Variants in EFCAB8 observed in about 807,000 individuals in gnomAD.
The protein encoded by EFCAB8 is EF-hand calcium-binding domain-containing protein 8.
EFCAB8 carries 100 observed loss-of-function variants against 116.3 expected under a neutral mutation model. The observed-to-expected ratio is 0.86, with a 90% CI of 0.73 to 1.02. The LOEUF is 1.02. EFCAB8 is among the 50% of genes least tolerant of loss of function. EFCAB8 has a pLI of 0.00. For missense variants in EFCAB8, 1,320 were observed against 1,416.9 expected, an observed-to-expected ratio of 0.93 and a Z score of 1.10; for synonymous variants, 558 against 567.9, an observed-to-expected ratio of 0.98 and a Z score of 0.25.
intron 20 of EFCAB8, among the ~76,000 whole-genome samples, chr20:32,921,604 A>C (rs1987459922): frequency 6.6e-6 from 1 of 152,130 alleles, no homozygotes; most frequent in South Asian, 2.1e-4. Context: ...TGTAAATGAA[A>C]AAATAAAAAT....
At chr20:32,956,971 T>C (rs2146305312) in intron 23 of EFCAB8, among the ~76,000 whole-genome samples, 1 of 150,454 alleles carries the variant, frequency 6.6e-6, no homozygotes, top group African/African-American at 2.4e-5. Flanking sequence ...TTTTTTTCAA[T>C]CTCTGAATTC....
intron 20 of EFCAB8, among the ~76,000 whole-genome samples, chr20:32,929,302 G>A (rs1987792453): frequency 6.6e-6 from 1 of 152,126 alleles, no homozygotes; most frequent in Admixed American, 6.5e-5. Flanking sequence ...CACTGGTGAA[G>A]CCATCAAGCT....
chr20:32,921,831 C>CTTTTTTT (rs11483441), intron 20 of EFCAB8, among the ~76,000 whole-genome samples: 5 of 130,222 alleles, frequency 3.8e-5, no homozygotes, highest in African/African-American at 1.4e-4. Context: ...TTACCTTATT[C>CTTTTTTT]TTTTTTTTTT....
intron 9 of EFCAB8, among the ~76,000 whole-genome samples, chr20:32,895,313 A>ATTT (rs11353110): frequency 4.9e-4 from 62 of 127,718 alleles, no homozygotes; most frequent in Admixed American, 1.0e-3. Flanking sequence ...TTTATTTAAG[A>ATTT]TTTTTTTTTT....
At position 32,954,126 on chromosome 20, in the gene EFCAB8, CAG is replaced by C. The variant is rs571565525; in HGVS notation, c.2960-4292_2960-4291del. 1.3e-4 allele frequency among the ~76,000 whole-genome samples: 20 copies of C among 152,246 alleles called. No homozygotes were observed. The East Asian group carries it at 3.7e-3, about 28-fold the overall frequency. On this transcript the variant is annotated intron_variant, in intron 23 of 26. Coordinates refer to ENST00000400522, the MANE Select transcript of EFCAB8 (RefSeq NM_001143967.2). ...CAGCATGATTACGTTTTTTGATACACAGAGGTTTTCAAGTTTAATGTCTATTT... is the reference window on the plus strand; with the variant it reads ...CAGCATGATTACGTTTTTTGATACACAGGTTTTCAAGTTTAATGTCTATTT...
intron 3 of EFCAB8, among the ~76,000 whole-genome samples, chr20:32,874,192 A>G (rs1984834574): frequency 6.6e-6 from 1 of 152,048 alleles, no homozygotes; most frequent in Admixed American, 6.6e-5. Context: ...AAGTACTGGG[A>G]TTATAGGTGT....
In EFCAB8 at chr20:32,961,613, G is replaced by C. The variant is rs191674847; in HGVS notation, c.*4G>C. On this transcript the variant is annotated 3_prime_UTR_variant, in exon 27 of 27. Transcript: ENST00000400522. ...GAGCTCCCATGTCAGGTTCTGAGGT[G>C]CTCCGCTGTCTTCTCTAGTCCTCCA... The C allele has an allele frequency of 6.2e-4, 809 of 1,313,638 alleles. No homozygotes were observed. Among genetic ancestry groups the C allele is most frequent in the Non-Finnish European group, 5.5e-4 (565 of 1,030,470 alleles). 81.4% of individuals were successfully genotyped at this position (1,313,638 alleles called of 1,614,324 possible). A position where few individuals can be genotyped will look rare whatever the true frequency, so the allele number is the denominator to read the frequency against.
intron 20 of EFCAB8, among the ~76,000 whole-genome samples, chr20:32,921,909 C>A (rs1600429696): frequency 6.7e-6 from 1 of 149,658 alleles, no homozygotes. Flanking sequence ...CAGCTCACTG[C>A]ACCTCTGCGT....
chr20:32,910,214 G>C (rs114908276), intron 15 of EFCAB8, among the ~76,000 whole-genome samples: 1,762 of 152,328 alleles, frequency 0.012, 37 homozygotes, highest in African/African-American at 0.041. Flanking sequence ...GCTCTGGACT[G>C]GGCCTTCTTG....
intron 22 of EFCAB8, among the ~76,000 whole-genome samples, chr20:32,933,980 A>AAATC (rs797011811): frequency 1.2e-3 from 182 of 152,132 alleles, no homozygotes; most frequent in African/African-American, 4.1e-3. Flanking sequence ...CCGTCTCAAA[A>AAATC]AATCAATCAA....
intron 2 of EFCAB8, among the ~76,000 whole-genome samples, chr20:32,864,683 C>T (rs1192688081): frequency 6.6e-6 from 1 of 152,138 alleles, no homozygotes; most frequent in African/African-American, 2.4e-5. Flanking sequence ...TAATTTTGTC[C>T]AGCAGGTTGT....
intron 23 of EFCAB8, among the ~76,000 whole-genome samples, chr20:32,948,490 A>G (rs556787769): frequency 1.3e-5 from 2 of 150,972 alleles, no homozygotes; most frequent in African/African-American, 2.4e-5. Context: ...ACTTGGTACC[A>G]AAATCTGACA....
At chr20:32,863,762 G>T (rs1189657532) in intron 1 of EFCAB8, 21 bp from the exon 2 acceptor site, 1 of 1,548,910 alleles carries the variant, frequency 6.5e-7, no homozygotes. Context: ...GAGTTAAGTT[G>T]ACTATGATTC....
chr20:32,911,730 A>T (rs1986934150), intron 16 of EFCAB8, 23 bp downstream of exon 16: 1 of 1,549,842 alleles, frequency 6.5e-7, no homozygotes, highest in Non-Finnish European at 8.7e-7. Flanking sequence ...TGTCAATTAC[A>T]GCCAGGGACG....
chr20:32,889,206 G>A, intron 6 of EFCAB8, 95 bp from the exon 7 acceptor site: 1 of 1,051,162 alleles, frequency 9.5e-7, no homozygotes, highest in African/African-American at 1.6e-5. Context: ...GGTCTGTGGT[G>A]GCTCCAGGCC....
At chr20:32,887,437 G>A (rs1345683965) in intron 6 of EFCAB8, among the ~76,000 whole-genome samples, 3 of 152,194 alleles carry the variant, frequency 2.0e-5, no homozygotes, top group African/African-American at 7.2e-5. Flanking sequence ...TTAGCCAGGC[G>A]TAGTGGCGCA....
intron 5 of EFCAB8, among the ~76,000 whole-genome samples, chr20:32,882,517 T>A (rs1445525541): frequency 6.6e-6 from 1 of 152,168 alleles, no homozygotes; most frequent in Non-Finnish European, 1.5e-5. Flanking sequence ...TTATTGTATT[T>A]ATTTTTTGGG....
intron 22 of EFCAB8, among the ~76,000 whole-genome samples, chr20:32,935,737 CT>C (rs1165548650): frequency 4.6e-5 from 7 of 152,200 alleles, no homozygotes; most frequent in Middle Eastern, 6.8e-3. Flanking sequence ...AACTCCTGAC[CT>C]CAGGTGATCT....
chr20:32,960,984 G>A (rs892868455), intron 26 of EFCAB8, among the ~76,000 whole-genome samples, 152 bp from the exon 27 acceptor site: 3 of 152,198 alleles, frequency 2.0e-5, no homozygotes, highest in Non-Finnish European at 2.9e-5. Flanking sequence ...CGCAGGCCAC[G>A]GTGGTTAGTG....
Sources: allele counts gnomAD v4.1 joint callset (sites outside exome capture counted in the v4.1 genomes callset), GRCh38; gene constraint gnomAD v4.1.1; transcripts MANE v1.5; gene names NCBI Gene and HGNC (gene_info 2026-07-23, HGNC 2026-07-21).